The following MRPL47 variants were observed in gnomAD, a reference collection of about 807,000 sequenced individuals.
MRPL47 encodes the protein large ribosomal subunit protein uL29m.
MRPL47 carries 31 observed loss-of-function variants against 34.0 expected under a neutral mutation model. That is an observed-to-expected ratio of 0.91 (90% CI 0.68 to 1.23). The LOEUF is 1.23. MRPL47 is among the 50% of genes most tolerant of loss of function. The pLI, the probability that MRPL47 is intolerant of heterozygous loss-of-function variation, is 0.00. For missense variants in MRPL47, 328 were observed against 285.8 expected (o/e 1.15, Z -1.07); for synonymous variants, 106 against 101.6 (o/e 1.04, Z -0.26).
chr3:179,603,413 C>T (rs1265865634), intron 1 of MRPL47, among the ~76,000 whole-genome samples: 1 of 152,082 alleles, frequency 6.6e-6, no homozygotes, highest in African/African-American at 2.4e-5. Context: ...TAGCACGTGC[C>T]TTATAGTCCC....
At chr3:179,589,614 G>A (rs977093035) in intron 6 of MRPL47, among the ~76,000 whole-genome samples, 1 of 152,114 alleles carries the variant, frequency 6.6e-6, no homozygotes, top group African/African-American at 2.4e-5. Context: ...TTGGTCAATA[G>A]AAATAAGTTT....
rs770975291 is a variant in MRPL47 at position 179,588,831 on chromosome 3, T to C, written c.*41A>G. The C allele has an allele frequency of 2.2e-5, 35 of 1,595,386 alleles. No individual in the cohort carries two copies. In the South Asian group the frequency reaches 3.8e-4, roughly 17 times the overall value. On this transcript the variant is annotated 3_prime_UTR_variant, in exon 7 of 7. Transcript: ENST00000476781. ...CATATTTACTCCTGTACACAGACTA[T>C]TCAAGAAAAACAAAATGGTAAATTT...
In MRPL47 at chr3:179,598,807, T is replaced by A. The variant is rs777410739; in HGVS notation, c.306-36A>T. 52 of 1,373,842 alleles carry A rather than the reference T, an allele frequency of 3.8e-5. 1 individual carries two copies. In the South Asian group the frequency reaches 5.8e-4, roughly 15 times the overall value. The allele number at this position is 1,373,842 out of a possible 1,614,324, so 85.1% of individuals were successfully genotyped here. A position where few individuals can be genotyped will look rare whatever the true frequency, so the allele number is the denominator to read the frequency against. ...GAACACAAACCTTGTGATGCTATTC[T>A]GTGGTTATGTTAATAAAGTTGTGAT... On this transcript the variant is annotated intron_variant, in intron 3 of 6. Coordinates refer to ENST00000476781, the MANE Select transcript of MRPL47 (RefSeq NM_020409.3).
chr3:179,592,565 T>A, intron 6 of MRPL47, 79 bp downstream of exon 6: 1 of 825,362 alleles, frequency 1.2e-6, no homozygotes. Context: ...AAGCTTTCTT[T>A]ATGTCATCTG....
At chr3:179,593,714 G>A (rs1156890437) in intron 5 of MRPL47, 51 bp downstream of exon 5, 1 of 1,547,094 alleles carries the variant, frequency 6.5e-7, no homozygotes, top group Non-Finnish European at 8.7e-7. Context: ...AGGGGAATGA[G>A]GCATGGATTT....
chr3:179,601,914 A>G (rs1718935752), intron 2 of MRPL47, 124 bp from the exon 3 acceptor site: 3 of 626,518 alleles, frequency 4.8e-6, no homozygotes, highest in Non-Finnish European at 8.4e-6. Context: ...CAGCTTTTTT[A>G]TAGTATATAA....
At chr3:179,601,879 G>C (rs977053340) in intron 2 of MRPL47, 89 bp from the exon 3 acceptor site, 1 of 837,088 alleles carries the variant, frequency 1.2e-6, no homozygotes, top group Non-Finnish European at 1.9e-6. Flanking sequence ...GTCTAAACCT[G>C]TTTCTTTATC....
At chr3:179,589,365 C>G (rs1718613309) in intron 6 of MRPL47, among the ~76,000 whole-genome samples, 1 of 152,144 alleles carries the variant, frequency 6.6e-6, no homozygotes, top group South Asian at 2.1e-4. Flanking sequence ...TAGGGAATTC[C>G]CATAAGTCTC....
At chr3:179,604,469 C>G in intron 1 of MRPL47, 58 bp downstream of exon 1, 1 of 1,520,588 alleles carries the variant, frequency 6.6e-7, no homozygotes, top group East Asian at 2.3e-5. Context: ...GGCATCTCGG[C>G]AACCAAACAA....
intron 6 of MRPL47, among the ~76,000 whole-genome samples, chr3:179,589,959 A>C (rs1362579560): frequency 6.6e-6 from 1 of 152,240 alleles, no homozygotes; most frequent in Admixed American, 6.5e-5. Context: ...GTGAGGCTTA[A>C]AAAGGTAGTT....
At chr3:179,596,826 T>C (rs904313182) in intron 4 of MRPL47, among the ~76,000 whole-genome samples, 1 of 152,158 alleles carries the variant, frequency 6.6e-6, no homozygotes, top group African/African-American at 2.4e-5. Context: ...AAGAGACACA[T>C]GAAAATTCAT....
intron 3 of MRPL47, among the ~76,000 whole-genome samples, chr3:179,599,586 CT>C: frequency 6.6e-6 from 1 of 152,142 alleles, no homozygotes; most frequent in East Asian, 1.9e-4. Flanking sequence ...AAAATCCATT[CT>C]ATTTTAACTC....
At chr3:179,600,091 G>A (rs1449468577) in intron 3 of MRPL47, among the ~76,000 whole-genome samples, 5 of 151,374 alleles carry the variant, frequency 3.3e-5, no homozygotes, top group East Asian at 1.9e-4. Context: ...ATTGCACTCC[G>A]GCCTGGGCGA....
intron 2 of MRPL47, 79 bp from the exon 3 acceptor site, chr3:179,601,869 G>A: frequency 1.1e-6 from 1 of 906,550 alleles, no homozygotes; most frequent in Non-Finnish European, 1.8e-6. Context: ...CTCTAAACCT[G>A]TCTAAACCTG....
Position 179,604,612 on chromosome 3 carries a change from C to A in MRPL47, c.13G>T (p.Gly5Cys), listed in dbSNP as rs749035279. 4.3e-6 allele frequency: 7 copies of A among 1,614,072 alleles called. No individual in the cohort carries two copies. The African/African-American group carries it at 8.0e-5, about 18-fold the overall frequency. The change falls in exon 1 of 7, where the codon GGT becomes TGT. Residue 5 changes from glycine to cysteine, a missense_variant. Gly to Cys is a radical substitution (Grantham distance 159, BLOSUM62 -3). Transcript: ENST00000476781. The stretch of plus-strand genomic sequence containing the variant: ...ACTCTCCTACAAAGAAGGGCCAAAC[C>A]GGCCGCAGCCATGTTTTCGCATAAC... MAAA[G>C]LALLCRRVSS...
intron 2 of MRPL47, 44 bp downstream of exon 2, chr3:179,602,608 G>GT: frequency 2.4e-6 from 2 of 832,878 alleles, no homozygotes. Context: ...CGGGGGGGGG[G>GT]GTTCCATAAA....
chr3:179,589,018 G>A, intron 6 of MRPL47, 23 bp from the exon 7 acceptor site: 1 of 1,581,518 alleles, frequency 6.3e-7, no homozygotes, highest in African/African-American at 1.4e-5. Flanking sequence ...AAGCGTAACA[G>A]CAATTTATAC....
intron 6 of MRPL47, among the ~76,000 whole-genome samples, chr3:179,589,856 C>A (rs1026103081): frequency 1.3e-5 from 2 of 152,118 alleles, no homozygotes; most frequent in African/African-American, 4.8e-5. Flanking sequence ...TTTGCTCCAA[C>A]TAAATTTTGA....
At chr3:179,591,606 C>A (rs879605751) in intron 6 of MRPL47, among the ~76,000 whole-genome samples, 2 of 152,164 alleles carry the variant, frequency 1.3e-5, no homozygotes, top group Non-Finnish European at 2.9e-5. Context: ...CAACATTCTG[C>A]AGGACAACAT....
Sources: allele counts gnomAD v4.1 joint callset (sites outside exome capture counted in the v4.1 genomes callset), GRCh38; gene constraint gnomAD v4.1.1; transcripts MANE v1.5; gene names NCBI Gene and HGNC (gene_info 2026-07-23, HGNC 2026-07-21).